ADAM29: variants seen among roughly 807,000 people sequenced by gnomAD.
ADAM29 encodes disintegrin and metalloproteinase domain-containing protein 29.
For missense variants in ADAM29, 969 were observed against 1,001.8 expected, an observed-to-expected ratio of 0.97 and a Z score of 0.44; for synonymous variants, 367 against 342.3, an observed-to-expected ratio of 1.07 and a Z score of -0.80.
chr4:174,975,456 A>T lies in ADAM29; in HGVS notation c.-70A>T, dbSNP rs577881633. 15 of 1,441,922 alleles carry T rather than the reference A, an allele frequency of 1.0e-5. No individual in the cohort carries two copies. The African/African-American group carries it at 1.6e-4, about 15-fold the overall frequency. The allele number at this position is 1,441,922 out of a possible 1,614,324, so 89.3% of individuals were successfully genotyped here. On this transcript the variant is annotated 5_prime_UTR_variant, in exon 5 of 5. Coordinates refer to ENST00000359240, the MANE Select transcript of ADAM29 (RefSeq NM_014269.4). ...CACACCACCTGTGACTCCAGCCCTG[A>T]CTTCTGCTCTGGACCAGTGTTTCCA...
chr4:174,938,941 C>A (rs1744358541), intron 4 of ADAM29, among the ~76,000 whole-genome samples: 1 of 152,128 alleles, frequency 6.6e-6, no homozygotes, highest in African/African-American at 2.4e-5. Flanking sequence ...AGCATTACTG[C>A]AGTCTTTGTC....
intron 3 of ADAM29, among the ~76,000 whole-genome samples, chr4:174,934,429 T>G (rs557327741): frequency 8.1e-4 from 124 of 152,248 alleles, no homozygotes; most frequent in African/African-American, 2.9e-3. Context: ...TTTCTCCATA[T>G]TTACCATTTT....
intron 4 of ADAM29, among the ~76,000 whole-genome samples, chr4:174,945,325 A>G (rs1744778091): frequency 2.0e-5 from 3 of 152,060 alleles, no homozygotes; most frequent in African/African-American, 7.2e-5. Context: ...TGTCATTTGA[A>G]CACTTTTAAA....
Position 174,977,113 on chromosome 4 carries a change from C to T in ADAM29, c.1588C>T (p.Arg530Cys), listed in dbSNP as rs376075788. 141 of 1,613,762 alleles carry T rather than the reference C, an allele frequency of 8.7e-5. No individual in the cohort carries two copies. Among genetic ancestry groups the T allele is most frequent in the Non-Finnish European group, 1.1e-4 (131 of 1,179,948 alleles). Residue 530 changes from arginine (R) to cysteine (C), a missense_variant, in exon 5 of 5, where the codon CGT becomes TGT. Coordinates refer to ENST00000359240, the MANE Select transcript of ADAM29 (RefSeq NM_014269.4). Reference sequence around the variant, plus strand: ...CAAAGAATTGAACACCTTAGGTGACCGTGTTGGTCACTGTGGTATCAAAAA... The same window carrying T: ...CAAAGAATTGAACACCTTAGGTGACTGTGTTGGTCACTGTGGTATCAAAAA... ...CYKELNTLGD[R>C]VGHCGIKNAT...
intron 4 of ADAM29, 96 bp from the exon 5 acceptor site, chr4:174,975,250 C>T (rs1746696227): frequency 3.1e-6 from 1 of 317,464 alleles, no homozygotes; most frequent in Non-Finnish European, 5.7e-6. Flanking sequence ...ACTTTTATCT[C>T]ATGTTTTTTT....
At chr4:174,951,109 C>T (rs905755218) in intron 4 of ADAM29, among the ~76,000 whole-genome samples, 1 of 152,204 alleles carries the variant, frequency 6.6e-6, no homozygotes, top group African/African-American at 2.4e-5. Context: ...ATACTCCACA[C>T]ACAAACATAT....
rs79712852 is a variant in ADAM29 at position 174,959,317 on chromosome 4, C to A, written c.-180-16029C>A. ...CTTCTTGTTTTCATTATTTTAGGGG[C>A]GAAGTCAGCTATAATTCTAAACTTA... On this transcript the variant is annotated intron_variant, in intron 4 of 4. Coordinates refer to ENST00000359240, the MANE Select transcript of ADAM29 (RefSeq NM_014269.4). Among the ~76,000 whole-genome samples, 10 of 151,754 alleles carry A rather than the reference C, an allele frequency of 6.6e-5. No individual in the cohort carries two copies. The East Asian group carries it at 7.7e-4, about 12-fold the overall frequency.
At position 174,975,662 on chromosome 4, in the gene ADAM29, T is replaced by A. The variant is rs760602256; in HGVS notation, c.137T>A (p.Met46Lys). ...AGGATAACTGGCACCACCAGAGGCATGACACCTCCAGGCTGGCTCTCCTAT... is the reference window on the plus strand; with the variant it reads ...AGGATAACTGGCACCACCAGAGGCAAGACACCTCCAGGCTGGCTCTCCTAT... Reference protein sequence around the residue: ...PVRITGTTRGMTPPGWLSYIL... With the variant: ...PVRITGTTRGKTPPGWLSYIL... Residue 46 changes from methionine to lysine, a missense_variant, in exon 5 of 5, where the codon ATG (methionine) becomes AAG (lysine). Transcript: ENST00000359240. The A allele has an allele frequency of 6.2e-7, 1 of 1,613,214 alleles. No individual in the cohort carries two copies. Among genetic ancestry groups the A allele is most frequent in the South Asian group, 1.1e-5 (1 of 90,924 alleles).
chr4:174,939,534 T>C (rs1182733878), intron 4 of ADAM29, among the ~76,000 whole-genome samples: 1 of 152,188 alleles, frequency 6.6e-6, no homozygotes, highest in African/African-American at 2.4e-5. Flanking sequence ...TTTTAAACAA[T>C]TTAGAAAATA....
chr4:174,956,954 TGAAA>T (rs1348428445), intron 4 of ADAM29, among the ~76,000 whole-genome samples: 1 of 151,918 alleles, frequency 6.6e-6, no homozygotes, highest in Non-Finnish European at 1.5e-5. Flanking sequence ...TAGTCAAATA[TGAAA>T]GACTGATCCA....
intron 3 of ADAM29, among the ~76,000 whole-genome samples, chr4:174,933,131 A>T (rs991130252): frequency 1.3e-5 from 2 of 152,180 alleles, no homozygotes; most frequent in African/African-American, 4.8e-5. Context: ...TTGGACCATA[A>T]AGTTAGTGAG....
At chr4:174,941,128 G>A (rs1744513799) in intron 4 of ADAM29, among the ~76,000 whole-genome samples, 1 of 151,992 alleles carries the variant, frequency 6.6e-6, no homozygotes, top group Admixed American at 6.6e-5. Context: ...GATTATAGAT[G>A]GTATAAAAAA....
In ADAM29 at chr4:174,933,643, A is replaced by G. The variant is rs372148299; in HGVS notation, c.-262+2469A>G. Among the ~76,000 whole-genome samples, 4 of 152,214 alleles carry G rather than the reference A, an allele frequency of 2.6e-5. No homozygotes were observed. In the South Asian group the frequency reaches 8.3e-4, roughly 32 times the overall value. ...TTCCTCCTCCTTTCCTCCATCCTCAAGGAGACCCCAATGTCTATTGTTCCC... is the reference window on the plus strand; with the variant it reads ...TTCCTCCTCCTTTCCTCCATCCTCAGGGAGACCCCAATGTCTATTGTTCCC... On this transcript the variant is annotated intron_variant, in intron 3 of 4. Transcript: ENST00000359240.
intron 4 of ADAM29, among the ~76,000 whole-genome samples, chr4:174,938,464 T>C (rs1339787713): frequency 6.6e-6 from 1 of 152,136 alleles, no homozygotes; most frequent in Non-Finnish European, 1.5e-5. Flanking sequence ...ATTTGTAATA[T>C]CATTTTTATG....
At chr4:174,956,033 G>A (rs1352740082) in intron 4 of ADAM29, among the ~76,000 whole-genome samples, 3 of 151,916 alleles carry the variant, frequency 2.0e-5, no homozygotes, top group African/African-American at 7.2e-5. Flanking sequence ...TGTTTTAGAC[G>A]AGGTCTTAAG....
chr4:174,956,492 G>GTC (rs967330732), intron 4 of ADAM29, among the ~76,000 whole-genome samples: 2 of 106,144 alleles, frequency 1.9e-5, no homozygotes, highest in African/African-American at 8.2e-5. Context: ...GTGTGTGTGT[G>GTC]TCTGTGTGTG....
At chr4:174,935,394 T>C (rs1049222032) in intron 3 of ADAM29, among the ~76,000 whole-genome samples, 6 of 152,102 alleles carry the variant, frequency 3.9e-5, no homozygotes, top group African/African-American at 1.4e-4. Flanking sequence ...CAGGACACTT[T>C]TGGGACACTA....
At chr4:174,941,681 G>A (rs1744544801) in intron 4 of ADAM29, among the ~76,000 whole-genome samples, 1 of 152,122 alleles carries the variant, frequency 6.6e-6, no homozygotes, top group South Asian at 2.1e-4. Context: ...ATTGCAATTT[G>A]AGATGAGATT....
In ADAM29 at chr4:174,950,352, C is replaced by T. The variant is rs528863428; in HGVS notation, c.-181+13339C>T. On this transcript the variant is annotated intron_variant, in intron 4 of 4. Coordinates refer to ENST00000359240, the MANE Select transcript of ADAM29 (RefSeq NM_014269.4). ...GCATTCAACACTAATCTTTTCATCT[C>T]CCTGGCAAGGTTCCCTTCAGACCTG... 3.3e-5 allele frequency among the ~76,000 whole-genome samples: 5 copies of T among 152,286 alleles called. No individual in the cohort carries two copies. In the South Asian group the frequency reaches 1.0e-3, roughly 32 times the overall value.
Sources: gnomAD v4.1 joint callset for allele counts (sites outside exome capture counted in the v4.1 genomes callset) on GRCh38, gnomAD v4.1.1 for gene constraint, MANE v1.5 for transcripts, NCBI Gene and HGNC (gene_info 2026-07-23, HGNC 2026-07-21) for gene names.